TMEM38B: variants seen among roughly 807,000 people sequenced by gnomAD.
The protein encoded by TMEM38B is trimeric intracellular cation channel type B.
Under a neutral mutation model 28.7 loss-of-function variants are expected in TMEM38B, and 24 were observed. That is an observed-to-expected ratio of 0.84 (90% CI 0.61 to 1.18). TMEM38B has a LOEUF of 1.18. Ranked by LOEUF, TMEM38B falls within the 50% of genes most tolerant of loss-of-function variation. TMEM38B has a pLI of 0.00. For missense variants in TMEM38B, 380 were observed against 350.9 expected, an observed-to-expected ratio of 1.08 and a Z score of -0.66; for synonymous variants, 131 against 127.7, an observed-to-expected ratio of 1.03 and a Z score of -0.17.
chr9:105,699,256 C>G (rs1403666893), intron 1 of TMEM38B, among the ~76,000 whole-genome samples: 1 of 152,078 alleles, frequency 6.6e-6, no homozygotes, highest in East Asian at 1.9e-4. Context: ...ACTCCAACAC[C>G]ACTTCTTTTA....
intron 5 of TMEM38B, among the ~76,000 whole-genome samples, chr9:105,764,348 G>A (rs569515045): frequency 0.011 from 1,610 of 151,766 alleles, 11 homozygotes; most frequent in Non-Finnish European, 0.014. Context: ...GTCTCAGCCC[G>A]AAATCTCCTT....
intron 5 of TMEM38B, among the ~76,000 whole-genome samples, chr9:105,763,760 T>C (rs10816320): frequency 0.44 from 66,775 of 151,282 alleles, 17,389 homozygotes; most frequent in African/African-American, 0.72. Context: ...ATACGAAAGC[T>C]GGGCAGAGAC....
intron 5 of TMEM38B, chr9:105,759,514 CAT>C (rs1226857282): frequency 1.9e-6 from 3 of 1,580,094 alleles, no homozygotes; most frequent in Admixed American, 1.7e-5. Flanking sequence ...AGGAAGCTGT[CAT>C]AATTTAATAG....
intron 5 of TMEM38B, among the ~76,000 whole-genome samples, chr9:105,752,160 A>G (rs544046572): frequency 8.6e-4 from 131 of 152,120 alleles, no homozygotes; most frequent in Non-Finnish European, 1.8e-3. Context: ...CATTCCAGCC[A>G]GGGTTCTCCA....
In TMEM38B at chr9:105,769,738, C is replaced by T. The variant is rs139188814; in HGVS notation, c.661-4127C>T. ...ATGAACTTTAATAGTTTGTCTAGCT[C>T]TGTAAAAAACCATGTTGATATTTTT... On this transcript the variant is annotated intron_variant, in intron 5 of 5. Coordinates refer to ENST00000374692, the MANE Select transcript of TMEM38B (RefSeq NM_018112.3). Among the ~76,000 whole-genome samples, 367 of 152,138 alleles carry T rather than the reference C, an allele frequency of 2.4e-3. 1 individual carries two copies. The highest frequency in any genetic ancestry group is 3.4e-3 in the Middle Eastern group (1 of 294).
At chr9:105,756,181 G>A (rs1837826216) in intron 5 of TMEM38B, among the ~76,000 whole-genome samples, 1 of 152,104 alleles carries the variant, frequency 6.6e-6, no homozygotes, top group Admixed American at 6.5e-5. Flanking sequence ...AAAATAGAAG[G>A]TAGATTCCTT....
chr9:105,751,539 G>A (rs1252672656), intron 5 of TMEM38B, among the ~76,000 whole-genome samples: 6 of 152,144 alleles, frequency 3.9e-5, no homozygotes, highest in Admixed American at 1.3e-4. Context: ...AAATCCATCC[G>A]TACATATTCC....
In TMEM38B at chr9:105,775,877, CT is replaced by C. The variant is rs1403861519; in HGVS notation, c.*1798del. ...CTTGAGGTAGAGTTTCAGAACTCATCTAGTATTTTGACTAATATAGTATATA... is the reference window on the plus strand; with the variant it reads ...CTTGAGGTAGAGTTTCAGAACTCATCAGTATTTTGACTAATATAGTATATA... On this transcript the variant is annotated 3_prime_UTR_variant, in exon 6 of 6. Coordinates refer to ENST00000374692, the MANE Select transcript of TMEM38B (RefSeq NM_018112.3). 1 of 152,010 alleles carries C rather than the reference CT, an allele frequency of 6.6e-6. No individual in the cohort carries two copies. Among genetic ancestry groups the C allele is most frequent in the Non-Finnish European group, 1.5e-5 (1 of 68,006 alleles). 9.4% of individuals were successfully genotyped at this position (152,010 alleles called of 1,614,324 possible). A position where few individuals can be genotyped will look rare whatever the true frequency, so the allele number is the denominator to read the frequency against.
chr9:105,753,227 A>G (rs1837722172), intron 5 of TMEM38B, among the ~76,000 whole-genome samples: 1 of 152,222 alleles, frequency 6.6e-6, no homozygotes, highest in Non-Finnish European at 1.5e-5. Context: ...AATGGAACCA[A>G]GTTGGAAAAC....
intron 1 of TMEM38B, among the ~76,000 whole-genome samples, chr9:105,703,765 T>C (rs906075921): frequency 6.6e-6 from 1 of 152,022 alleles, no homozygotes; most frequent in Non-Finnish European, 1.5e-5. Flanking sequence ...TGGTATCTCA[T>C]TGTGGTTTTG....
intron 5 of TMEM38B, 101 bp from the exon 6 acceptor site, chr9:105,773,764 T>C: frequency 9.0e-7 from 1 of 1,108,150 alleles, no homozygotes; most frequent in Non-Finnish European, 1.3e-6. Context: ...CCCTGCAGAT[T>C]ACATTAATAA....
chr9:105,762,243 A>G (rs1002548264), intron 5 of TMEM38B, among the ~76,000 whole-genome samples: 5 of 151,922 alleles, frequency 3.3e-5, no homozygotes, highest in African/African-American at 9.7e-5. Flanking sequence ...GAAACTGGCT[A>G]TAAATTTTTT....
At chr9:105,745,847 C>G (rs1249425891) in intron 4 of TMEM38B, among the ~76,000 whole-genome samples, 1 of 152,154 alleles carries the variant, frequency 6.6e-6, no homozygotes, top group Non-Finnish European at 1.5e-5. Flanking sequence ...AATCCTTTCC[C>G]CATTTCTTGT....
At chr9:105,709,638 A>G (rs1239105721) in intron 2 of TMEM38B, among the ~76,000 whole-genome samples, 13 of 152,350 alleles carry the variant, frequency 8.5e-5, no homozygotes, top group Admixed American at 2.6e-4. Flanking sequence ...ACTGACTAGG[A>G]TAGAGGTGAG....
At chr9:105,723,945 C>G (rs1164507157) in intron 4 of TMEM38B, among the ~76,000 whole-genome samples, 3 of 152,096 alleles carry the variant, frequency 2.0e-5, no homozygotes, top group Admixed American at 1.3e-4. Flanking sequence ...AAGCAGTTCT[C>G]CTGCCTCAGC....
intron 1 of TMEM38B, among the ~76,000 whole-genome samples, chr9:105,696,651 A>G (rs893785523): frequency 6.6e-6 from 1 of 152,220 alleles, no homozygotes; most frequent in Admixed American, 6.5e-5. Context: ...AGTTTCTTAG[A>G]AAGAAACCTT....
chr9:105,730,234 TATTTTGAGA>T (rs1836681803), intron 4 of TMEM38B, among the ~76,000 whole-genome samples: 1 of 152,208 alleles, frequency 6.6e-6, no homozygotes, highest in Non-Finnish European at 1.5e-5. Flanking sequence ...TAGCTCTTAT[TATTTTGAGA>T]TACGTTTCAG....
chr9:105,718,998 GTATT>G (rs1836218668), intron 2 of TMEM38B, among the ~76,000 whole-genome samples: 1 of 152,196 alleles, frequency 6.6e-6, no homozygotes, highest in African/African-American at 2.4e-5. Flanking sequence ...AACATGAACT[GTATT>G]TAGTTTATCA....
rs1156269273 is a variant in TMEM38B, at chr9:105,748,324, T to C, written c.660+134T>C. The stretch of plus-strand genomic sequence containing the variant: ...TCTAAGAGGAATAATTTGGGGAGCT[T>C]TACTCAGCACATCCATGACTTTCTG... On this transcript the variant is annotated intron_variant, in intron 5 of 5. Coordinates refer to ENST00000374692, the MANE Select transcript of TMEM38B (RefSeq NM_018112.3). 1.1e-5 allele frequency: 7 copies of C among 643,222 alleles called. No individual in the cohort carries two copies. The African/African-American group carries it at 1.3e-4, about 12-fold the overall frequency. 39.8% of individuals were successfully genotyped at this position (643,222 alleles called of 1,614,324 possible).
Sources: gnomAD v4.1 joint callset for allele counts (sites outside exome capture counted in the v4.1 genomes callset) on GRCh38, gnomAD v4.1.1 for gene constraint, MANE v1.5 for transcripts, NCBI Gene and HGNC (gene_info 2026-07-23, HGNC 2026-07-21) for gene names.